The following SPATS2 variants were observed in gnomAD, a reference collection of about 807,000 sequenced individuals.
The protein encoded by SPATS2 is spermatogenesis associated serine rich 2, also known as spermatogenesis-associated serine-rich protein 2.
SPATS2 carries 38 observed loss-of-function variants against 63.7 expected under a neutral mutation model. The ratio of observed to expected loss-of-function variants is 0.60; its 90% CI spans 0.46 to 0.78. The LOEUF (loss-of-function observed/expected upper bound fraction) is 0.78, where lower values mean the gene tolerates loss of function less well. SPATS2 is among the 30% of genes least tolerant of loss of function. The pLI is 0.00. For synonymous variants in SPATS2, 207 were observed against 232.9 expected, an observed-to-expected ratio of 0.89 and a Z score of 1.01; for missense variants, 588 against 666.2, an observed-to-expected ratio of 0.88 and a Z score of 1.29.
chr12:49,386,652 C>T (rs2137220963), intron 2 of SPATS2, among the ~76,000 whole-genome samples: 1 of 152,152 alleles, frequency 6.6e-6, no homozygotes, highest in Middle Eastern at 3.4e-3. Flanking sequence ...GTATAATATA[C>T]TGTGGAATTC....
chr12:49,526,215 G>A lies in SPATS2; in HGVS notation c.1598G>A (p.Arg533His), dbSNP rs775186083. Residue 533 changes from arginine (R) to histidine (H), a missense_variant, in exon 14 of 14, where the codon CGC (arginine) becomes CAC (histidine). Arg to His is a conservative substitution (Grantham distance 29). Transcript: ENST00000552918. ...TPSFKKGLPQ[R>H]KPRTSQTEAV... ...TCATTCAAAAAGGGGCTCCCCCAGCGCAAACCCAGGACCTCTCAGACTGAA... is the reference window on the plus strand; with the variant it reads ...TCATTCAAAAAGGGGCTCCCCCAGCACAAACCCAGGACCTCTCAGACTGAA... 50 of 1,613,932 alleles carry A rather than the reference G, an allele frequency of 3.1e-5. No individual in the cohort carries two copies. Among genetic ancestry groups the A allele is most frequent in the African/African-American group, 1.6e-4 (12 of 74,892 alleles).
chr12:49,490,765 T>C (rs1288705587), intron 6 of SPATS2, 34 bp downstream of exon 6: 7 of 1,593,270 alleles, frequency 4.4e-6, no homozygotes, highest in East Asian at 2.2e-5. Context: ...CATGATGATG[T>C]GTATATTATT....
intron 4 of SPATS2, chr12:49,486,113 AGTACT>A (rs1946288371): frequency 7.5e-6 from 3 of 399,858 alleles, no homozygotes; most frequent in African/African-American, 2.1e-5. Context: ...ACAGTGGTTG[AGTACT>A]ATAAATACTT....
At chr12:49,507,394 C>T (rs528858834) in intron 9 of SPATS2, among the ~76,000 whole-genome samples, 4 of 152,248 alleles carry the variant, frequency 2.6e-5, no homozygotes, top group Admixed American at 2.6e-4. Flanking sequence ...ACGTAGGGAC[C>T]ACACACAGTC....
rs374178198 is a variant in SPATS2 at position 49,469,749 on chromosome 12, G to A, written c.25+8712G>A. Among the ~76,000 whole-genome samples the A allele has an allele frequency of 4.9e-4, 74 of 151,334 alleles. No individual in the cohort carries two copies. In the South Asian group the frequency reaches 0.012, roughly 25 times the overall value. On this transcript the variant is annotated intron_variant, in intron 3 of 13. Transcript: ENST00000552918. ...CTGTTAAAATACAAATTAGCTGAGC[G>A]TGGTGCTGCACGCCTGTAATCCCAG... is the stretch of plus-strand genomic sequence containing the variant.
intron 2 of SPATS2, among the ~76,000 whole-genome samples, chr12:49,432,998 C>G (rs1303303509): frequency 6.6e-6 from 1 of 152,296 alleles, no homozygotes; most frequent in South Asian, 2.1e-4. Context: ...ATACTGTTTT[C>G]CATAGTGGCC....
intron 2 of SPATS2, among the ~76,000 whole-genome samples, chr12:49,406,929 G>T (rs1292797079): frequency 6.6e-6 from 1 of 152,166 alleles, no homozygotes; most frequent in Non-Finnish European, 1.5e-5. Flanking sequence ...CCAAACTTGT[G>T]TATCCCACTG....
chr12:49,429,104 C>G (rs1169859386), intron 2 of SPATS2, among the ~76,000 whole-genome samples: 1 of 152,168 alleles, frequency 6.6e-6, no homozygotes, highest in African/African-American at 2.4e-5. Context: ...ACATCTACAG[C>G]TGCTGCTGAT....
chr12:49,524,418 A>C lies in SPATS2; in HGVS notation c.1112-264A>C, dbSNP rs552821588. ...GTACTAGATCCAATCCCAAGAAGTC[A>C]TTAGTTGGTGGGGAATGGGTAACTT... On this transcript the variant is annotated intron_variant, in intron 12 of 13. Coordinates refer to ENST00000552918, the MANE Select transcript of SPATS2 (RefSeq NM_023071.4). Among the ~76,000 whole-genome samples the C allele has an allele frequency of 7.2e-5, 11 of 152,302 alleles. No individual in the cohort carries two copies. The South Asian group carries it at 2.3e-3, about 32-fold the overall frequency.
At chr12:49,476,812 T>C (rs1946125964) in intron 3 of SPATS2, among the ~76,000 whole-genome samples, 1 of 152,152 alleles carries the variant, frequency 6.6e-6, no homozygotes, top group South Asian at 2.1e-4. Context: ...CCCTCAATAG[T>C]TCTTGGAACT....
At chr12:49,452,695 T>C (rs568596118) in intron 2 of SPATS2, among the ~76,000 whole-genome samples, 1 of 152,272 alleles carries the variant, frequency 6.6e-6, no homozygotes, top group African/African-American at 2.4e-5. Flanking sequence ...AATTTTGATT[T>C]GGTTGTCTTT....
chr12:49,430,088 TCATATTTCTTG>T (rs1441735801), intron 2 of SPATS2, among the ~76,000 whole-genome samples: 1 of 147,110 alleles, frequency 6.8e-6, no homozygotes, highest in Non-Finnish European at 1.5e-5. Context: ...GCCATCTTTT[TCATATTTCTTG>T]TTTTTTTTTT....
intron 9 of SPATS2, among the ~76,000 whole-genome samples, chr12:49,509,592 G>A (rs1946714487): frequency 6.6e-6 from 1 of 152,080 alleles, no homozygotes; most frequent in Non-Finnish European, 1.5e-5. Context: ...TGAGGTGGGT[G>A]GATTGCTTGA....
At chr12:49,480,637 A>G (rs1351232042) in intron 3 of SPATS2, among the ~76,000 whole-genome samples, 1 of 152,194 alleles carries the variant, frequency 6.6e-6, no homozygotes, top group East Asian at 1.9e-4. Context: ...TTGTGTGTAT[A>G]CCAAGAAGCA....
At chr12:49,463,862 A>C (rs900936327) in intron 3 of SPATS2, among the ~76,000 whole-genome samples, 13 of 152,212 alleles carry the variant, frequency 8.5e-5, no homozygotes, top group Non-Finnish European at 1.3e-4. Context: ...ATTTAATGAA[A>C]TACTTAGTGG....
Position 49,494,935 on chromosome 12 carries a change from A to G in SPATS2, c.459A>G (p.Thr153=). The change falls in exon 7 of 14, where the codon ACA becomes ACG. Residue 153 remains threonine, a synonymous_variant. Transcript: ENST00000552918. ...ACTCACTCAGTGAAGGTTTGGAGACACTTTCAATAGATGCCAGAGAATTGG... is the reference window on the plus strand; with the variant it reads ...ACTCACTCAGTGAAGGTTTGGAGACGCTTTCAATAGATGCCAGAGAATTGG... The part of the protein sequence containing the change: ...SVDSLSEGLE[T]LSIDARELED... The G allele has an allele frequency of 6.2e-7, 1 of 1,614,066 alleles. No individual in the cohort carries two copies. Among genetic ancestry groups the G allele is most frequent in the Non-Finnish European group, 8.5e-7 (1 of 1,180,004 alleles).
At chr12:49,407,356 C>A (rs1190138958) in intron 2 of SPATS2, among the ~76,000 whole-genome samples, 1 of 152,104 alleles carries the variant, frequency 6.6e-6, no homozygotes, top group Non-Finnish European at 1.5e-5. Context: ...AGTGGTTTTC[C>A]ATTTTAGAGT....
chr12:49,449,438 ACTC>A (rs1304857581), intron 2 of SPATS2, among the ~76,000 whole-genome samples: 3 of 151,612 alleles, frequency 2.0e-5, no homozygotes, highest in Non-Finnish European at 4.4e-5. Flanking sequence ...CTGATCTCGA[ACTC>A]CTGACCTGAT....
In SPATS2 at chr12:49,498,145, A is replaced by AAAAAAATATAT. The variant is rs66900382; in HGVS notation, c.703+1137_703+1138insAAAAATATATA. On this transcript the variant is annotated intron_variant, in intron 8 of 13. Transcript: ENST00000552918. Reference sequence around the variant, plus strand: ...ATCCAATCAAGCCAAAAAAAAAAAAAATATATATATATATATATATATATG... The same window carrying AAAAAAATATAT: ...ATCCAATCAAGCCAAAAAAAAAAAAAAAAAAATATATATATATATATATATATATATATATG... Among the ~76,000 whole-genome samples the AAAAAAATATAT allele has an allele frequency of 8.3e-3, 821 of 98,850 alleles. 6 individuals are homozygous for AAAAAAATATAT. The highest frequency in any genetic ancestry group is 0.012 in the Non-Finnish European group (619 of 53,136). 64.8% of individuals were successfully genotyped at this position (98,850 alleles called of 152,430 possible).
Sources: gnomAD v4.1 joint callset for allele counts (sites outside exome capture counted in the v4.1 genomes callset) on GRCh38, gnomAD v4.1.1 for gene constraint, MANE v1.5 for transcripts, NCBI Gene and HGNC (gene_info 2026-07-23, HGNC 2026-07-21) for gene names.